The following XKR6 variants were observed in gnomAD, a reference collection of about 807,000 sequenced individuals.
XKR6 encodes the protein XK related 6.
In XKR6, 22 loss-of-function variants were observed where a neutral mutation model predicts 56.7. That is an observed-to-expected ratio of 0.39 (90% CI 0.28 to 0.55). XKR6 has a LOEUF of 0.55. XKR6 is among the 20% of genes least tolerant of loss of function. The pLI is 0.66. For missense variants in XKR6, 852 were observed against 889.0 expected (o/e 0.96, Z 0.53); for synonymous variants, 524 against 387.8 (o/e 1.35, Z -4.13).
At chr8:10,968,571 C>T (rs1418164754) in intron 1 of XKR6, among the ~76,000 whole-genome samples, 1 of 152,232 alleles carries the variant, frequency 6.6e-6, no homozygotes, top group Non-Finnish European at 1.5e-5. Context: ...TTGTTCCTAG[C>T]TCCAGGGGAT....
chr8:11,099,773 G>A (rs1228410188), intron 1 of XKR6, among the ~76,000 whole-genome samples: 3 of 152,198 alleles, frequency 2.0e-5, no homozygotes, highest in Non-Finnish European at 2.9e-5. Context: ...ATTTAGCGGA[G>A]GAGACAAAAC....
At chr8:11,045,884 C>G (rs1799399691) in intron 1 of XKR6, among the ~76,000 whole-genome samples, 1 of 152,158 alleles carries the variant, frequency 6.6e-6, no homozygotes, top group Non-Finnish European at 1.5e-5. Flanking sequence ...AGAAAAGAGA[C>G]AATAGCCACA....
At chr8:11,161,609 G>A (rs1801817020) in intron 1 of XKR6, among the ~76,000 whole-genome samples, 1 of 152,178 alleles carries the variant, frequency 6.6e-6, no homozygotes, top group Non-Finnish European at 1.5e-5. Flanking sequence ...CTTTCTTTCA[G>A]ATGTTTTCAT....
At chr8:10,951,947 C>CA (rs1801737343) in intron 1 of XKR6, among the ~76,000 whole-genome samples, 1 of 152,194 alleles carries the variant, frequency 6.6e-6, no homozygotes, top group Non-Finnish European at 1.5e-5. Flanking sequence ...CAAGAGGCCA[C>CA]AGCCAGCCCC....
intron 1 of XKR6, among the ~76,000 whole-genome samples, chr8:11,084,603 G>C (rs1797825034): frequency 6.6e-6 from 1 of 152,198 alleles, no homozygotes; most frequent in South Asian, 2.1e-4. Context: ...TGTAAATTTA[G>C]AGCTCCACCC....
intron 1 of XKR6, among the ~76,000 whole-genome samples, chr8:11,110,655 G>A (rs1169049293): frequency 6.6e-6 from 1 of 152,110 alleles, no homozygotes; most frequent in Non-Finnish European, 1.5e-5. Flanking sequence ...GCCCCAGAAT[G>A]CTTCTCAAGT....
In XKR6 at chr8:10,945,123, C is replaced by T. The variant is rs187637923; in HGVS notation, c.765-20293G>A. Among the ~76,000 whole-genome samples, 386 of 152,320 alleles carry T rather than the reference C, an allele frequency of 2.5e-3. 13 individuals carry two copies. Among genetic ancestry groups the T allele is most frequent in the Admixed American group, 0.023 (357 of 15,300 alleles). On this transcript the variant is annotated intron_variant, in intron 1 of 2. Transcript: ENST00000416569. ...ACCCCACGCCACCCAGCCTCATTTCCCCACCAGCAAGTAGGGCTCAGGCCA... is the reference window on the plus strand; with the variant it reads ...ACCCCACGCCACCCAGCCTCATTTCTCCACCAGCAAGTAGGGCTCAGGCCA...
At chr8:10,928,634 C>T (rs1006596962) in intron 1 of XKR6, among the ~76,000 whole-genome samples, 2 of 147,774 alleles carry the variant, frequency 1.4e-5, no homozygotes, top group East Asian at 1.9e-4. Context: ...CTAAGCGTCG[C>T]GGAAACGCCG....
At chr8:11,145,334 T>C (rs1278836585) in intron 1 of XKR6, among the ~76,000 whole-genome samples, 1 of 152,062 alleles carries the variant, frequency 6.6e-6, no homozygotes, top group African/African-American at 2.4e-5. Context: ...ACCAGAAACG[T>C]CTCTAAGTCT....
intron 1 of XKR6, among the ~76,000 whole-genome samples, chr8:10,925,316 G>A (rs1289746711): frequency 6.6e-6 from 1 of 152,210 alleles, no homozygotes; most frequent in East Asian, 1.9e-4. Flanking sequence ...GGCTGGCCAT[G>A]CCCAGGTGGT....
chr8:10,929,335 A>G (rs1800992452), intron 1 of XKR6, among the ~76,000 whole-genome samples: 1 of 152,268 alleles, frequency 6.6e-6, no homozygotes, highest in Non-Finnish European at 1.5e-5. Flanking sequence ...TTACAGGTGC[A>G]GTATTACCTA....
chr8:10,950,439 C>A (rs1801684482), intron 1 of XKR6, among the ~76,000 whole-genome samples: 1 of 152,190 alleles, frequency 6.6e-6, no homozygotes. Flanking sequence ...CGGGTCCAGG[C>A]CTTTCCTGTC....
intron 1 of XKR6, among the ~76,000 whole-genome samples, chr8:11,086,150 T>A (rs11250116): frequency 0.51 from 57,223 of 112,650 alleles, 14,209 homozygotes; most frequent in East Asian, 0.93. Flanking sequence ...ATATATATAT[T>A]TTTTTTTAAA....
intron 1 of XKR6, among the ~76,000 whole-genome samples, chr8:11,158,238 C>T (rs189383367): frequency 3.3e-5 from 5 of 152,222 alleles, no homozygotes; most frequent in East Asian, 1.9e-4. Context: ...AAGCATCTAA[C>T]GGTCTGAGCG....
chr8:10,994,271 T>A (rs957614588), intron 1 of XKR6, among the ~76,000 whole-genome samples: 1 of 152,170 alleles, frequency 6.6e-6, no homozygotes, highest in African/African-American at 2.4e-5. Flanking sequence ...TCATTTTGAG[T>A]TGCTGCACTG....
intron 1 of XKR6, among the ~76,000 whole-genome samples, chr8:11,193,374 G>A (rs956806537): frequency 1.3e-5 from 2 of 152,132 alleles, no homozygotes; most frequent in African/African-American, 4.8e-5. Flanking sequence ...ACCATAGGGT[G>A]CTGTAGTATG....
rs1799049200 is a variant in XKR6 at position 11,114,224 on chromosome 8, A to C, written c.764+86352T>G. 7.0e-6 allele frequency: 2 copies of C among 286,236 alleles called. 1 individual carries two copies. The highest frequency in any genetic ancestry group is 6.1e-5 in the South Asian group (2 of 32,808). 17.7% of individuals were successfully genotyped at this position (286,236 alleles called of 1,614,324 possible). On this transcript the variant is annotated intron_variant, in intron 1 of 2. Transcript: ENST00000416569. The stretch of plus-strand genomic sequence containing the variant: ...AAATGTACACATTTCTACACAGAGA[A>C]TCACAATCCTATTTTGAATGGAGTG...
At chr8:10,976,220 T>A (rs192276233) in intron 1 of XKR6, among the ~76,000 whole-genome samples, 9 of 151,604 alleles carry the variant, frequency 5.9e-5, no homozygotes, top group Non-Finnish European at 4.4e-5. Context: ...CACCATGTTG[T>A]GGGAGGGTTT....
intron 1 of XKR6, among the ~76,000 whole-genome samples, chr8:10,969,894 G>A (rs763636315): frequency 3.3e-5 from 5 of 152,204 alleles, no homozygotes; most frequent in Non-Finnish European, 5.9e-5. Context: ...CTGCCGTCCC[G>A]CCTCTCACCC....
Sources: allele counts gnomAD v4.1 joint callset (sites outside exome capture counted in the v4.1 genomes callset), GRCh38; gene constraint gnomAD v4.1.1; transcripts MANE v1.5; gene names NCBI Gene and HGNC (gene_info 2026-07-23, HGNC 2026-07-21).